FSTL4: variants seen among roughly 807,000 people sequenced by gnomAD.
The protein encoded by FSTL4 is follistatin like 4, also known as follistatin-related protein 4.
In FSTL4, 28 loss-of-function variants were observed where a neutral mutation model predicts 78.2. That is an observed-to-expected ratio of 0.36 (90% confidence interval 0.27 to 0.49). The LOEUF (loss-of-function observed/expected upper bound fraction) is 0.49. Ranked by LOEUF, FSTL4 falls within the 20% of genes least tolerant of loss-of-function variation. The pLI is 0.98. For synonymous variants in FSTL4, 422 were observed against 440.5 expected, an observed-to-expected ratio of 0.96 and a Z score of 0.53; for missense variants, 922 against 1,084.9, an observed-to-expected ratio of 0.85 and a Z score of 2.11.
intron 6 of FSTL4, among the ~76,000 whole-genome samples, chr5:133,302,602 G>A (rs973222859): frequency 2.0e-5 from 3 of 152,184 alleles, no homozygotes; most frequent in African/African-American, 4.8e-5. Flanking sequence ...CCAGCTTTGG[G>A]GGAAACAGGA....
chr5:133,637,199 A>C, the FSTL4 span, among the ~76,000 whole-genome samples: 1 of 152,034 alleles, frequency 6.6e-6, no homozygotes, highest in Non-Finnish European at 1.5e-5. Flanking sequence ...TCTTCCACCT[A>C]GAAGCTCACT....
chr5:133,507,217 TAAATA>T (rs1190580090), intron 3 of FSTL4, among the ~76,000 whole-genome samples: 3 of 151,960 alleles, frequency 2.0e-5, no homozygotes, highest in Non-Finnish European at 4.4e-5. Context: ...AAAAATAAAA[TAAATA>T]AAATAAAATA....
the FSTL4 span, among the ~76,000 whole-genome samples, chr5:133,658,124 A>G: frequency 6.6e-6 from 1 of 152,272 alleles, no homozygotes; most frequent in African/African-American, 2.4e-5. Context: ...ACACTTTCTT[A>G]AATTCTAACT....
At chr5:133,675,450 G>A in the FSTL4 span, among the ~76,000 whole-genome samples, 1 of 152,222 alleles carries the variant, frequency 6.6e-6, no homozygotes, top group Non-Finnish European at 1.5e-5. Context: ...GGGTCTGCAC[G>A]GCTGGGCCTC....
intron 6 of FSTL4, among the ~76,000 whole-genome samples, chr5:133,271,099 G>A (rs549321739): frequency 3.9e-5 from 6 of 152,324 alleles, no homozygotes; most frequent in South Asian, 2.1e-4. Flanking sequence ...CTGCTTGCCC[G>A]TCTTGAAGGG....
At chr5:133,546,473 T>C (rs906103101) in intron 3 of FSTL4, among the ~76,000 whole-genome samples, 1 of 122,420 alleles carries the variant, frequency 8.2e-6, no homozygotes, top group Non-Finnish European at 1.6e-5. Flanking sequence ...GCCACTGCAC[T>C]CCAGCCTGGC....
intron 3 of FSTL4, among the ~76,000 whole-genome samples, chr5:133,523,982 C>A (rs1328693745): frequency 6.6e-6 from 1 of 152,174 alleles, no homozygotes. Context: ...GACGGGTGTC[C>A]TTGTGACAGG....
the FSTL4 span, among the ~76,000 whole-genome samples, chr5:133,834,271 G>A: frequency 1.3e-5 from 2 of 152,056 alleles, no homozygotes; most frequent in Non-Finnish European, 2.9e-5. Context: ...ATAAACATGG[G>A]CACCCCCTTT....
chr5:133,503,397 T>C (rs1408845492), intron 3 of FSTL4, among the ~76,000 whole-genome samples: 18 of 152,344 alleles, frequency 1.2e-4, no homozygotes, highest in Admixed American at 1.2e-3. Context: ...ACAAAATTCC[T>C]GCAAATTTAA....
intron 3 of FSTL4, among the ~76,000 whole-genome samples, chr5:133,447,170 C>G (rs898761735): frequency 2.0e-5 from 3 of 152,194 alleles, no homozygotes; most frequent in African/African-American, 7.2e-5. Context: ...GGACAAGCCT[C>G]TTGGTGAGGT....
At chr5:133,248,245 C>T (rs1443149530) in intron 7 of FSTL4, 1 of 152,434 alleles carries the variant, frequency 6.6e-6, no homozygotes, top group African/African-American at 2.4e-5. Context: ...TCACACAGCC[C>T]AGGTCAGCTC....
At chr5:133,339,252 C>T (rs1329811628) in intron 4 of FSTL4, among the ~76,000 whole-genome samples, 1 of 152,158 alleles carries the variant, frequency 6.6e-6, no homozygotes, top group Non-Finnish European at 1.5e-5. Context: ...GCTCAAGACA[C>T]GTGGTCACTG....
At chr5:133,654,369 C>T in the FSTL4 span, among the ~76,000 whole-genome samples, 7 of 152,324 alleles carry the variant, frequency 4.6e-5, no homozygotes, top group Non-Finnish European at 8.8e-5. Context: ...CACAACCTGT[C>T]CAAAGCCACC....
At chr5:133,653,568 T>C in the FSTL4 span, among the ~76,000 whole-genome samples, 1 of 152,240 alleles carries the variant, frequency 6.6e-6, no homozygotes, top group Non-Finnish European at 1.5e-5. Context: ...CTTTGCTGTT[T>C]ATTGTGGTCA....
chr5:133,742,369 C>G, the FSTL4 span, among the ~76,000 whole-genome samples: 2 of 152,120 alleles, frequency 1.3e-5, no homozygotes, highest in African/African-American at 4.8e-5. Flanking sequence ...CATTTACAAC[C>G]ACAAGGAAGA....
In FSTL4 at chr5:133,400,769, G is replaced by C; in HGVS notation, c.378C>G (p.Thr126=). ...RAACLLGKRI[T]VIHSKDCFLK... is the part of the protein sequence containing the mutation. ...GGAAACAGTCCTTGCTGTGGATGAC[G>C]GTGATCCTCTTTCCCAGGAGGCAAG... The change falls in exon 4 of 16, where the codon ACC becomes ACG. Residue 126 remains threonine (T), a synonymous_variant. Coordinates refer to ENST00000265342, the MANE Select transcript of FSTL4 (RefSeq NM_015082.2). 1 of 1,614,076 alleles carries C rather than the reference G, an allele frequency of 6.2e-7. No individual in the cohort carries two copies.
the FSTL4 span, among the ~76,000 whole-genome samples, chr5:133,639,332 C>G: frequency 1.3e-5 from 2 of 152,150 alleles, no homozygotes; most frequent in Non-Finnish European, 2.9e-5. Flanking sequence ...TGGCAGTAGT[C>G]GGTGCTCTAT....
intron 3 of FSTL4, among the ~76,000 whole-genome samples, chr5:133,409,477 C>T (rs1314866444): frequency 6.6e-6 from 1 of 152,190 alleles, no homozygotes; most frequent in Non-Finnish European, 1.5e-5. Context: ...CAGAGCTTTC[C>T]CCCCAGCCCT....
chr5:133,590,960 T>G (rs1760612261), intron 2 of FSTL4, among the ~76,000 whole-genome samples: 1 of 152,144 alleles, frequency 6.6e-6, no homozygotes, highest in Non-Finnish European at 1.5e-5. Flanking sequence ...GGATGGAGCA[T>G]GGAGCCTTCG....
Sources: allele counts gnomAD v4.1 joint callset (sites outside exome capture counted in the v4.1 genomes callset), GRCh38; gene constraint gnomAD v4.1.1; transcripts MANE v1.5; gene names NCBI Gene and HGNC (gene_info 2026-07-23, HGNC 2026-07-21).